Variants in PCDH15 observed in about 807,000 individuals in gnomAD.
PCDH15 encodes the protein protocadherin-15.
A neutral mutation model predicts 178.5 loss-of-function variants in PCDH15; 129 were observed. The observed-to-expected ratio is 0.72, with a 90% CI of 0.63 to 0.84. The LOEUF (loss-of-function observed/expected upper bound fraction) is 0.84, where lower values mean the gene tolerates loss of function less well. Among genes scored for constraint, PCDH15 ranks in the 40% least tolerant of loss-of-function variants. The pLI is 0.00. For synonymous variants in PCDH15, 800 were observed against 732.0 expected (o/e 1.09, Z -1.50); for missense variants, 2,230 against 2,099.9 (o/e 1.06, Z -1.21).
chr10:53,906,138 C>T (rs2082666497), intron 25 of PCDH15, among the ~76,000 whole-genome samples: 1 of 151,818 alleles, frequency 6.6e-6, no homozygotes, highest in African/African-American at 2.4e-5. Context: ...TTGTAATAGT[C>T]AACTAAAAAT....
chr10:55,057,847 T>A (rs968079570), intron 2 of PCDH15, among the ~76,000 whole-genome samples: 1 of 152,244 alleles, frequency 6.6e-6, no homozygotes, highest in African/African-American at 2.4e-5. Context: ...CTATTTTATT[T>A]TTATTTGCAT....
rs184127198 is a variant in PCDH15 at position 55,371,554 on chromosome 10, A to G, written c.-155-204903T>C. On this transcript the variant is annotated intron_variant, in intron 2 of 5. Transcript: ENST00000613346. Reference sequence around the variant, plus strand: ...CACCTTGCTGTTCTTGTGATACTGAATGAGTGCTCAAAAGATCTGGTTGTT... The same window carrying G: ...CACCTTGCTGTTCTTGTGATACTGAGTGAGTGCTCAAAAGATCTGGTTGTT... Among the ~76,000 whole-genome samples the G allele has an allele frequency of 3.7e-3, 569 of 152,184 alleles. 4 individuals are homozygous for G. Among genetic ancestry groups the G allele is most frequent in the African/African-American group, 0.011 (473 of 41,560 alleles).
intron 2 of PCDH15, among the ~76,000 whole-genome samples, chr10:55,328,288 A>G (rs891254104): frequency 6.6e-6 from 1 of 151,874 alleles, no homozygotes; most frequent in African/African-American, 2.4e-5. Flanking sequence ...ACATTCTGAT[A>G]AATGAGTCAT....
intron 21 of PCDH15, among the ~76,000 whole-genome samples, chr10:53,966,910 A>G (rs1439040302): frequency 6.6e-6 from 1 of 151,720 alleles, no homozygotes; most frequent in Non-Finnish European, 1.5e-5. Flanking sequence ...ATATATATGT[A>G]TATATATTTT....
At chr10:54,556,084 C>G (rs538620657) in intron 2 of PCDH15, among the ~76,000 whole-genome samples, 2 of 152,276 alleles carry the variant, frequency 1.3e-5, no homozygotes, top group South Asian at 4.1e-4. Context: ...GCTGGGGTAC[C>G]CATTTATTTC....
At chr10:54,594,254 G>A (rs140081567) in intron 2 of PCDH15, among the ~76,000 whole-genome samples, 26 of 152,248 alleles carry the variant, frequency 1.7e-4, no homozygotes, top group East Asian at 5.8e-4. Flanking sequence ...GAGCCCATGG[G>A]GTTTGGTGCA....
At chr10:53,947,703 G>T (rs1351039232) in intron 23 of PCDH15, among the ~76,000 whole-genome samples, 1 of 152,118 alleles carries the variant, frequency 6.6e-6, no homozygotes, top group Non-Finnish European at 1.5e-5. Flanking sequence ...GAATACTTAG[G>T]ATGGATTTTA....
At chr10:54,046,471 G>T (rs560626043) in intron 18 of PCDH15, among the ~76,000 whole-genome samples, 1 of 152,158 alleles carries the variant, frequency 6.6e-6, no homozygotes, top group Non-Finnish European at 1.5e-5. Context: ...AGGTAGAAAT[G>T]TGGCTGAATA....
chr10:54,216,382 G>T (rs1475103162), intron 9 of PCDH15, among the ~76,000 whole-genome samples: 1 of 152,108 alleles, frequency 6.6e-6, no homozygotes, highest in East Asian at 1.9e-4. Flanking sequence ...CTTGAACCCG[G>T]GAGACATGGA....
chr10:55,232,423 A>G (rs987930641), intron 1 of PCDH15, among the ~76,000 whole-genome samples: 2 of 152,058 alleles, frequency 1.3e-5, no homozygotes, highest in Non-Finnish European at 2.9e-5. Flanking sequence ...ACAGAATAAT[A>G]TAATGTATAA....
intron 3 of PCDH15, among the ~76,000 whole-genome samples, chr10:54,436,146 A>AAGGAAGG (rs1565271919): frequency 1.5e-3 from 215 of 147,724 alleles, no homozygotes; most frequent in African/African-American, 5.3e-3. Context: ...AGAAAGAAAG[A>AAGGAAGG]AAGGAAGGAA....
In PCDH15 at chr10:54,304,864, C is replaced by CT. The variant is rs1204878968; in HGVS notation, c.876+12406_876+12407insA. ...TGCTGTGTCCATAGTCTGTTTATTT[C>CT]CCTTTTTTTTTGTATGTATTTGCAG... On this transcript the variant is annotated intron_variant, in intron 8 of 37. Transcript: ENST00000644397. Among the ~76,000 whole-genome samples, 228 of 144,182 alleles carry CT rather than the reference C, an allele frequency of 1.6e-3. 1 individual carries two copies. Among genetic ancestry groups the CT allele is most frequent in the African/African-American group, 3.6e-3 (134 of 37,570 alleles). The allele number at this position is 144,182 out of a possible 152,430, so 94.6% of individuals were successfully genotyped here. A position where few individuals can be genotyped will look rare whatever the true frequency, so the allele number is the denominator to read the frequency against.
chr10:54,291,048 A>C lies in PCDH15; in HGVS notation c.876+26223T>G, dbSNP rs144600867. 2.4e-3 allele frequency among the ~76,000 whole-genome samples: 365 copies of C among 151,030 alleles called. 6 individuals are homozygous for C. Among genetic ancestry groups the C allele is most frequent in the Non-Finnish European group, 3.6e-4 (24 of 67,190 alleles). ...AACTCATTCATTTGAACTCGCACTT[A>C]TAAAATTGACCACATAATTGGAAGT... On this transcript the variant is annotated intron_variant, in intron 8 of 37. Coordinates refer to ENST00000644397, the MANE Select transcript of PCDH15 (RefSeq NM_001384140.1).
At chr10:54,659,379 A>G (rs1342251048) in intron 2 of PCDH15, among the ~76,000 whole-genome samples, 1 of 152,188 alleles carries the variant, frequency 6.6e-6, no homozygotes, top group Non-Finnish European at 1.5e-5. Context: ...AAATACTTGG[A>G]CTTAAGGCAA....
chr10:54,035,952 C>G (rs1270379330), intron 18 of PCDH15, among the ~76,000 whole-genome samples: 1 of 151,856 alleles, frequency 6.6e-6, no homozygotes, highest in African/African-American at 2.4e-5. Context: ...TTTGAGTGGT[C>G]TGGATAGAAG....
chr10:54,506,121 T>G (rs962664945), intron 3 of PCDH15, among the ~76,000 whole-genome samples: 2 of 152,146 alleles, frequency 1.3e-5, no homozygotes, highest in African/African-American at 4.8e-5. Context: ...ATGAATCAGA[T>G]CAGCTCTTTT....
intron 1 of PCDH15, among the ~76,000 whole-genome samples, chr10:55,228,855 A>G (rs1841130573): frequency 6.6e-6 from 1 of 152,000 alleles, no homozygotes; most frequent in African/African-American, 2.4e-5. Context: ...TTAACAAAAT[A>G]GTAGTACTTA....
chr10:54,463,858 TA>T (rs922537024), intron 3 of PCDH15, among the ~76,000 whole-genome samples: 4 of 151,900 alleles, frequency 2.6e-5, no homozygotes, highest in Admixed American at 1.3e-4. Flanking sequence ...AACTCCGTCT[TA>T]AAAAAATAAA....
chr10:54,036,954 A>C (rs564147802), intron 18 of PCDH15, among the ~76,000 whole-genome samples: 51 of 151,908 alleles, frequency 3.4e-4, no homozygotes, highest in Non-Finnish European at 6.2e-4. Flanking sequence ...TTCATGAATG[A>C]CTCTGAGAGG....
Sources: gnomAD v4.1 joint callset for allele counts (sites outside exome capture counted in the v4.1 genomes callset) on GRCh38, gnomAD v4.1.1 for gene constraint, MANE v1.5 for transcripts, NCBI Gene and HGNC (gene_info 2026-07-23, HGNC 2026-07-21) for gene names.